DNM3: variants seen among roughly 807,000 people sequenced by gnomAD.
DNM3 encodes dynamin 3.
DNM3 carries 47 observed loss-of-function variants against 101.6 expected under a neutral mutation model. That is an observed-to-expected ratio of 0.46 (90% CI 0.37 to 0.59). The LOEUF is 0.59. Among genes scored for constraint, DNM3 ranks in the 20% least tolerant of loss-of-function variants. The probability of loss-of-function intolerance (pLI) is 0.00; values close to 1 mark genes in which losing one functional copy is unlikely to be tolerated. For missense variants in DNM3, 849 were observed against 1,085.7 expected (o/e 0.78, Z 3.06); for synonymous variants, 385 against 387.9 (o/e 0.99, Z 0.09).
intron 14 of DNM3, among the ~76,000 whole-genome samples, chr1:172,199,653 G>A (rs1558715662): frequency 6.6e-6 from 1 of 152,004 alleles, no homozygotes. Context: ...TCACCATTAT[G>A]TAATGCCCTT....
chr1:172,031,196 A>G (rs920052119), intron 4 of DNM3, among the ~76,000 whole-genome samples: 3 of 152,238 alleles, frequency 2.0e-5, no homozygotes, highest in Non-Finnish European at 2.9e-5. Flanking sequence ...TATGGTACAT[A>G]CACACCATGG....
intron 20 of DNM3, among the ~76,000 whole-genome samples, chr1:172,389,637 G>A (rs1048086445): frequency 5.3e-5 from 8 of 151,984 alleles, no homozygotes; most frequent in African/African-American, 1.9e-4. Context: ...AAGAAAATTA[G>A]CCCATATATA....
chr1:172,021,692 T>C (rs1027850120), intron 4 of DNM3, among the ~76,000 whole-genome samples: 1 of 152,204 alleles, frequency 6.6e-6, no homozygotes, highest in Non-Finnish European at 1.5e-5. Flanking sequence ...CTTATCTCTA[T>C]ATTATGTCAC....
chr1:172,290,362 A>G lies in DNM3; in HGVS notation c.1770-18366A>G, dbSNP rs149730916. Among the ~76,000 whole-genome samples, 446 of 152,304 alleles carry G rather than the reference A, an allele frequency of 2.9e-3. 5 individuals carry two copies. Among genetic ancestry groups the G allele is most frequent in the African/African-American group, 9.9e-3 (411 of 41,570 alleles). ...GGGATATTAGTGGATTATCAATGTG[A>G]ATGAGATAGAATATCATTTCCAGCA... On this transcript the variant is annotated intron_variant, in intron 15 of 20. Coordinates refer to ENST00000627582, the MANE Select transcript of DNM3 (RefSeq NM_015569.5).
At chr1:172,283,465 T>C (rs187713983) in intron 15 of DNM3, among the ~76,000 whole-genome samples, 2 of 152,078 alleles carry the variant, frequency 1.3e-5, no homozygotes, top group East Asian at 1.9e-4. Flanking sequence ...TTCATTCCTA[T>C]AGAAAACCAA....
chr1:172,257,034 T>C (rs1323805466), intron 15 of DNM3, among the ~76,000 whole-genome samples: 1 of 152,052 alleles, frequency 6.6e-6, no homozygotes, highest in Non-Finnish European at 1.5e-5. Flanking sequence ...TACATGATGT[T>C]AATAAATATT....
chr1:172,131,782 T>G, intron 14 of DNM3: 1 of 394,432 alleles, frequency 2.5e-6, no homozygotes, highest in Non-Finnish European at 5.0e-6. Flanking sequence ...CTCAGATCAT[T>G]GTTTATACAA....
intron 13 of DNM3, among the ~76,000 whole-genome samples, chr1:172,120,378 A>C (rs1224774507): frequency 6.6e-6 from 1 of 152,126 alleles, no homozygotes; most frequent in Non-Finnish European, 1.5e-5. Context: ...AGTCTCTCCC[A>C]TGACATGTGG....
chr1:172,142,725 C>A, intron 14 of DNM3, among the ~76,000 whole-genome samples: 2 of 144,578 alleles, frequency 1.4e-5, no homozygotes. Context: ...GAAATGTAAT[C>A]ATTTCTAGAG....
rs545575504 is a variant in DNM3 at position 172,249,294 on chromosome 1, A to G, written c.1660-4279A>G. ...TTCAAGGTCAGCGAGCACATACTGT[A>G]GTCATCCCATAATTCCCACCTTCTA... On this transcript the variant is annotated intron_variant, in intron 14 of 20. Coordinates refer to ENST00000627582, the MANE Select transcript of DNM3 (RefSeq NM_015569.5). Among the ~76,000 whole-genome samples the G allele has an allele frequency of 5.8e-4, 88 of 152,214 alleles. 1 individual carries two copies. The highest frequency in any genetic ancestry group is 1.4e-3 in the Admixed American group (22 of 15,272).
intron 20 of DNM3, chr1:172,418,139 T>C: frequency 1.8e-6 from 1 of 556,640 alleles, no homozygotes; most frequent in South Asian, 2.0e-5. Flanking sequence ...CATGTTTTTG[T>C]GTGTGATTTG....
intron 1 of DNM3, among the ~76,000 whole-genome samples, chr1:171,919,971 A>G (rs1165017873): frequency 1.3e-5 from 2 of 152,178 alleles, no homozygotes; most frequent in Non-Finnish European, 2.9e-5. Flanking sequence ...ATGGTATTTC[A>G]GTCGCATTTT....
rs550582280 is a variant in DNM3 at position 172,234,382 on chromosome 1, A to G, written c.1660-19191A>G. ...ACTACAAACCACTGCTCAACGAAAT[A>G]AAAGAGGATACAAATGGAAGAACAT... On this transcript the variant is annotated intron_variant, in intron 14 of 20. Coordinates refer to ENST00000627582, the MANE Select transcript of DNM3 (RefSeq NM_015569.5). Among the ~76,000 whole-genome samples, 3 of 152,218 alleles carry G rather than the reference A, an allele frequency of 2.0e-5. No individual in the cohort carries two copies. In the East Asian group the frequency reaches 5.8e-4, roughly 29 times the overall value.
At chr1:172,059,441 C>A (rs2125905387) in intron 10 of DNM3, among the ~76,000 whole-genome samples, 1 of 114,360 alleles carries the variant, frequency 8.7e-6, no homozygotes, top group East Asian at 2.7e-4. Context: ...ATGCAAAAAT[C>A]CTCAATAAAA....
At position 172,211,336 on chromosome 1, in the gene DNM3, T is replaced by C. The variant is rs115365769; in HGVS notation, c.1660-42237T>C. Reference sequence around the variant, plus strand: ...CCAGCTGAAACTGAACCGTCTAAAGTTTTCCTTCTACAATTTTTTAAGGCC... The same window carrying C: ...CCAGCTGAAACTGAACCGTCTAAAGCTTTCCTTCTACAATTTTTTAAGGCC... On this transcript the variant is annotated intron_variant, in intron 14 of 20. Coordinates refer to ENST00000627582, the MANE Select transcript of DNM3 (RefSeq NM_015569.5). Among the ~76,000 whole-genome samples, 133 of 152,186 alleles carry C rather than the reference T, an allele frequency of 8.7e-4. 1 individual carries two copies. The highest frequency in any genetic ancestry group is 1.6e-3 in the Non-Finnish European group (109 of 67,986).
At chr1:172,098,136 A>T (rs967293457) in intron 13 of DNM3, among the ~76,000 whole-genome samples, 1 of 152,148 alleles carries the variant, frequency 6.6e-6, no homozygotes, top group Non-Finnish European at 1.5e-5. Flanking sequence ...TCTGACCAAA[A>T]TTTATTAGGT....
At chr1:171,988,533 A>C (rs1366311956) in intron 3 of DNM3, among the ~76,000 whole-genome samples, 1 of 150,584 alleles carries the variant, frequency 6.6e-6, no homozygotes, top group African/African-American at 2.5e-5. Context: ...TTAACTTTCT[A>C]TTAAAAAAAA....
chr1:172,165,145 C>T (rs542410027), intron 14 of DNM3, among the ~76,000 whole-genome samples: 2 of 152,136 alleles, frequency 1.3e-5, no homozygotes, highest in African/African-American at 4.8e-5. Context: ...CCTAACTGGT[C>T]TTTAACCTGA....
chr1:172,158,509 C>T (rs2058427694), intron 14 of DNM3, among the ~76,000 whole-genome samples: 1 of 151,910 alleles, frequency 6.6e-6, no homozygotes, highest in South Asian at 2.1e-4. Context: ...CCAGAACAGA[C>T]AGTGTGCAGT....
Sources: gnomAD v4.1 joint callset for allele counts (sites outside exome capture counted in the v4.1 genomes callset) on GRCh38, gnomAD v4.1.1 for gene constraint, MANE v1.5 for transcripts, NCBI Gene and HGNC (gene_info 2026-07-23, HGNC 2026-07-21) for gene names.